ST7: variants seen among roughly 807,000 people sequenced by gnomAD.
ST7 encodes suppressor of tumorigenicity 7 protein.
A neutral mutation model predicts 78.7 loss-of-function variants in ST7; 28 were observed. The observed-to-expected ratio is 0.36, with a 90% CI of 0.26 to 0.49. ST7 has a LOEUF of 0.49. ST7 is among the 20% of genes least tolerant of loss of function. The pLI, the probability that ST7 is intolerant of heterozygous loss-of-function variation, is 0.99. For synonymous variants in ST7, 247 were observed against 249.6 expected (o/e 0.99, Z 0.10); for missense variants, 418 against 696.0 (o/e 0.60, Z 4.49).
At chr7:117,101,413 ACT>A (rs969668406) in intron 2 of ST7, among the ~76,000 whole-genome samples, 88 of 152,078 alleles carry the variant, frequency 5.8e-4, no homozygotes, top group African/African-American at 1.8e-3. Flanking sequence ...AAGAGATGAG[ACT>A]CTCACTAAGG....
chr7:117,034,198 C>G (rs896576631), intron 1 of ST7, among the ~76,000 whole-genome samples: 5 of 152,202 alleles, frequency 3.3e-5, no homozygotes, highest in Admixed American at 1.3e-4. Context: ...CTCGGCCTCC[C>G]AAAGTGCTGA....
At chr7:117,229,291 C>T (rs928655332) in intron 15 of ST7, among the ~76,000 whole-genome samples, 9 of 152,164 alleles carry the variant, frequency 5.9e-5, no homozygotes, top group Non-Finnish European at 1.2e-4. Flanking sequence ...GCAGTAGGAC[C>T]GCAAAGAAAT....
chr7:117,198,997 A>G (rs1810567628), intron 12 of ST7: 2 of 152,086 alleles, frequency 1.3e-5, no homozygotes, highest in Non-Finnish European at 1.5e-5. Flanking sequence ...TCCAGATTCT[A>G]TTAAGTTTTC....
chr7:117,158,823 CTTTTCTA>C (rs921054882), intron 9 of ST7, among the ~76,000 whole-genome samples: 5 of 152,120 alleles, frequency 3.3e-5, no homozygotes, highest in Non-Finnish European at 7.4e-5. Flanking sequence ...TATACAGTGT[CTTTTCTA>C]TTTTCTATTT....
chr7:117,124,150 G>T (rs1221169046), intron 3 of ST7, among the ~76,000 whole-genome samples: 1 of 152,018 alleles, frequency 6.6e-6, no homozygotes, highest in Non-Finnish European at 1.5e-5. Context: ...TTTAGGTAGA[G>T]TAAAAAAAAT....
chr7:117,143,758 T>C (rs1375501254), intron 9 of ST7, among the ~76,000 whole-genome samples: 1 of 152,160 alleles, frequency 6.6e-6, no homozygotes, highest in Non-Finnish European at 1.5e-5. Context: ...ACGGGATAAT[T>C]CAAGCAAAGT....
At chr7:117,008,587 T>C (rs1005378470) in intron 1 of ST7, among the ~76,000 whole-genome samples, 5 of 152,176 alleles carry the variant, frequency 3.3e-5, no homozygotes, top group African/African-American at 9.7e-5. Flanking sequence ...TTCTCAGAAA[T>C]TGAGCATTTA....
intron 1 of ST7, chr7:117,020,486 G>GA: frequency 8.4e-7 from 1 of 1,194,572 alleles, no homozygotes; most frequent in Non-Finnish European, 1.2e-6. Context: ...CTGGCTTCAT[G>GA]ACCCCTGCTG....
intron 10 of ST7, 23 bp from the exon 11 acceptor site, chr7:117,189,298 C>A: frequency 6.3e-7 from 1 of 1,581,542 alleles, no homozygotes; most frequent in Non-Finnish European, 8.6e-7. Context: ...CTTATGTGTT[C>A]CTACTTTCTT....
intron 9 of ST7, among the ~76,000 whole-genome samples, chr7:117,170,303 T>C (rs1454447450): frequency 6.6e-6 from 1 of 152,230 alleles, no homozygotes; most frequent in Non-Finnish European, 1.5e-5. Context: ...AAGCATTTAA[T>C]GATTTACAAA....
chr7:117,010,562 G>A (rs893176899), intron 1 of ST7, among the ~76,000 whole-genome samples: 1 of 152,154 alleles, frequency 6.6e-6, no homozygotes, highest in African/African-American at 2.4e-5. Flanking sequence ...GATAATGTTT[G>A]TTCTGACTTA....
chr7:117,106,547 G>A (rs1415817821), intron 2 of ST7, among the ~76,000 whole-genome samples: 2 of 150,138 alleles, frequency 1.3e-5, no homozygotes, highest in Non-Finnish European at 3.0e-5. Flanking sequence ...ATCCCAATGT[G>A]TAGTCTTTTA....
intron 1 of ST7, chr7:117,020,119 G>A (rs79789637): frequency 0.017 from 2,554 of 153,842 alleles, 82 homozygotes; most frequent in African/African-American, 0.059. Context: ...TTTCAATCAC[G>A]CTGCTCTCCT....
chr7:116,958,670 C>G, intron 1 of ST7: 2 of 470,998 alleles, frequency 4.2e-6, no homozygotes. Flanking sequence ...GTTTGGTTCC[C>G]GGCCACTGCA....
chr7:117,203,449 G>A (rs1225121814), intron 12 of ST7, among the ~76,000 whole-genome samples: 11 of 152,190 alleles, frequency 7.2e-5, no homozygotes, highest in African/African-American at 2.7e-4. Context: ...GGCCCCACCA[G>A]TTTAGAAACA....
chr7:117,080,611 A>C (rs146495850), intron 1 of ST7, among the ~76,000 whole-genome samples: 97 of 152,326 alleles, frequency 6.4e-4, no homozygotes, highest in African/African-American at 2.3e-3. Context: ...TGATTTTTAA[A>C]GAACAACAAA....
rs73716418 is a variant in ST7 at position 117,225,145 on chromosome 7, G to T, written c.1638+3083G>T. ...GATAGTGACTAGAATACACCTGGGT[G>T]TTCTCTAGGACTGGCCGTACAGCTG... is the stretch of plus-strand genomic sequence containing the variant. On this transcript the variant is annotated intron_variant, in intron 15 of 15. Coordinates refer to ENST00000323984, the MANE Select transcript of ST7 (RefSeq NM_001369598.1). 7.4e-3 allele frequency among the ~76,000 whole-genome samples: 1,131 copies of T among 152,266 alleles called. 18 individuals are homozygous for T. The highest frequency in any genetic ancestry group is 0.026 in the African/African-American group (1,066 of 41,524).
intron 3 of ST7, 55 bp from the exon 4 acceptor site, chr7:117,129,738 G>T: frequency 7.4e-7 from 1 of 1,347,910 alleles, no homozygotes; most frequent in East Asian, 2.3e-5. Context: ...GAATTAATTA[G>T]CTTGTAGTGT....
chr7:117,152,184 TATATATATATATATATATA>T (rs1472447722), intron 9 of ST7, among the ~76,000 whole-genome samples: 5 of 68,198 alleles, frequency 7.3e-5, no homozygotes, highest in African/African-American at 1.5e-4. Context: ...AAACTATATA[TATATATATATATATATATA>T]TATATATATA....
Sources: allele counts gnomAD v4.1 joint callset (sites outside exome capture counted in the v4.1 genomes callset), GRCh38; gene constraint gnomAD v4.1.1; transcripts MANE v1.5; gene names NCBI Gene and HGNC (gene_info 2026-07-23, HGNC 2026-07-21).